The following WWOX variants were observed in gnomAD, a reference collection of about 807,000 sequenced individuals.
WWOX encodes WW domain-containing oxidoreductase.
WWOX carries 69 observed loss-of-function variants against 46.2 expected under a neutral mutation model. The ratio of observed to expected loss-of-function variants is 1.49; its 90% confidence interval spans 1.23 to 1.82. The LOEUF is 1.82. WWOX is among the 40% of genes most tolerant of loss of function. The probability of loss-of-function intolerance (pLI) is 0.00; values close to 1 mark genes in which losing one functional copy is unlikely to be tolerated. For synonymous variants in WWOX, 359 were observed against 202.6 expected, an observed-to-expected ratio of 1.77 and a Z score of -6.56; for missense variants, 919 against 542.6, an observed-to-expected ratio of 1.69 and a Z score of -6.89.
intron 8 of WWOX, among the ~76,000 whole-genome samples, chr16:79,184,830 G>A (rs1030059194): frequency 1.3e-5 from 2 of 152,154 alleles, no homozygotes; most frequent in African/African-American, 4.8e-5. Context: ...CATGCTCTTG[G>A]CAGTGAGACA....
chr16:78,408,349 C>A (rs535440252), intron 6 of WWOX, among the ~76,000 whole-genome samples: 6 of 152,164 alleles, frequency 3.9e-5, no homozygotes, highest in South Asian at 2.1e-4. Context: ...ACCCTCCATT[C>A]TGAGTTAATA....
chr16:78,426,957 C>A (rs574450982), intron 7 of WWOX, among the ~76,000 whole-genome samples: 1 of 152,278 alleles, frequency 6.6e-6, no homozygotes, highest in East Asian at 1.9e-4. Context: ...CCACCACGCC[C>A]GGCCTCTTTG....
intron 5 of WWOX, among the ~76,000 whole-genome samples, chr16:78,334,792 C>G (rs980030716): frequency 3.1e-5 from 4 of 131,048 alleles, no homozygotes; most frequent in Non-Finnish European, 3.2e-5. Flanking sequence ...AGTCTCCCCT[C>G]CACACACACA....
intron 8 of WWOX, among the ~76,000 whole-genome samples, chr16:78,877,317 T>C (rs1346379693): frequency 1.3e-5 from 2 of 150,250 alleles, no homozygotes; most frequent in Non-Finnish European, 3.0e-5. Context: ...CTGTGAGCTT[T>C]TTCCACCTAC....
chr16:79,185,924 A>T (rs1056637059), intron 8 of WWOX, among the ~76,000 whole-genome samples: 3 of 152,040 alleles, frequency 2.0e-5, no homozygotes, highest in Admixed American at 6.6e-5. Flanking sequence ...TAAGGCATAC[A>T]TTTAGAACAG....
At chr16:78,337,872 G>C (rs9922004) in intron 5 of WWOX, among the ~76,000 whole-genome samples, 27,008 of 118,426 alleles carry the variant, frequency 0.23, 8,614 homozygotes, top group African/African-American at 0.38. Context: ...CTCAGTGGTA[G>C]AGCTGATGTA....
chr16:78,270,235 G>C (rs558656410), intron 5 of WWOX: 19 of 152,230 alleles, frequency 1.2e-4, no homozygotes, highest in African/African-American at 4.3e-4. Flanking sequence ...CGGGTCTCTT[G>C]TGTTTTCACA....
At chr16:78,864,490 C>T (rs889719796) in intron 8 of WWOX, among the ~76,000 whole-genome samples, 3 of 152,132 alleles carry the variant, frequency 2.0e-5, no homozygotes, top group South Asian at 4.1e-4. Context: ...GCTGATCTTA[C>T]ACTCCTGGGA....
chr16:78,307,591 A>AT (rs990445066), intron 5 of WWOX, among the ~76,000 whole-genome samples: 37 of 152,282 alleles, frequency 2.4e-4, no homozygotes, highest in South Asian at 4.1e-4. Flanking sequence ...TGACACCTTG[A>AT]TTTTTTTAAC....
intron 8 of WWOX, among the ~76,000 whole-genome samples, chr16:78,495,180 G>A (rs1386814800): frequency 9.3e-6 from 1 of 107,444 alleles, no homozygotes; most frequent in African/African-American, 3.2e-5. Context: ...CTTGCCTGTC[G>A]CCCAGGTTGC....
intron 8 of WWOX, among the ~76,000 whole-genome samples, chr16:78,438,827 C>T (rs1052256604): frequency 1.3e-5 from 2 of 152,048 alleles, no homozygotes; most frequent in Admixed American, 6.6e-5. Context: ...ATGGATGGGC[C>T]GGCAATGCTG....
rs1397893501 is a variant in WWOX, at chr16:78,340,217, G to A, written c.517-46643G>A. ...GATGATAGTCTTTTTTTTTTTTTGA[G>A]ATGGAGTCTTACTGTGTCACCTAGG... On this transcript the variant is annotated intron_variant, in intron 5 of 8. Coordinates refer to ENST00000566780, the MANE Select transcript of WWOX (RefSeq NM_016373.4). 2.0e-5 allele frequency among the ~76,000 whole-genome samples: 2 copies of A among 100,140 alleles called. 1 individual carries two copies. Among genetic ancestry groups the A allele is most frequent in the Non-Finnish European group, 4.6e-5 (2 of 43,238 alleles). 65.7% of individuals were successfully genotyped at this position (100,140 alleles called of 152,430 possible). A position where few individuals can be genotyped will look rare whatever the true frequency, so the allele number is the denominator to read the frequency against.
chr16:79,194,869 G>C (rs1166477654), intron 8 of WWOX, among the ~76,000 whole-genome samples: 1 of 152,072 alleles, frequency 6.6e-6, no homozygotes, highest in Non-Finnish European at 1.5e-5. Flanking sequence ...GATGCTCCCA[G>C]AGTCTATGCT....
At chr16:78,788,205 T>G (rs1342806053) in intron 8 of WWOX, among the ~76,000 whole-genome samples, 1 of 152,230 alleles carries the variant, frequency 6.6e-6, no homozygotes, top group African/African-American at 2.4e-5. Context: ...GTGTTGTATC[T>G]AAGAATCCAT....
chr16:78,723,202 A>G (rs2142358766), intron 8 of WWOX, among the ~76,000 whole-genome samples: 1 of 152,338 alleles, frequency 6.6e-6, no homozygotes, highest in African/African-American at 2.4e-5. Context: ...CTTTCTTAGC[A>G]GCTACAGAAT....
chr16:78,838,078 C>T (rs772349177), intron 8 of WWOX, among the ~76,000 whole-genome samples: 19 of 152,136 alleles, frequency 1.2e-4, no homozygotes, highest in Admixed American at 7.9e-4. Context: ...TGTGTGCCTT[C>T]TGCTTTGTCT....
At chr16:79,157,212 G>A (rs765495278) in intron 8 of WWOX, among the ~76,000 whole-genome samples, 2 of 152,178 alleles carry the variant, frequency 1.3e-5, no homozygotes, top group South Asian at 2.1e-4. Context: ...GGCTGGATGA[G>A]CCAAAAAGAC....
At chr16:78,356,071 T>TAAAAAAAAAAAAAAAAAAA (rs61113878) in intron 5 of WWOX, among the ~76,000 whole-genome samples, 20 of 76,136 alleles carry the variant, frequency 2.6e-4, no homozygotes, top group African/African-American at 6.5e-4. Context: ...TTTTTTTTCC[T>TAAAAAAAAAAAAAAAAAAA]AAAAAAAAAA....
intron 4 of WWOX, among the ~76,000 whole-genome samples, chr16:78,127,659 T>A (rs1223302591): frequency 1.3e-5 from 2 of 152,200 alleles, no homozygotes; most frequent in East Asian, 3.9e-4. Flanking sequence ...ACATCTTTTT[T>A]ACTGAGAGTT....
Sources: gnomAD v4.1 joint callset for allele counts (sites outside exome capture counted in the v4.1 genomes callset) on GRCh38, gnomAD v4.1.1 for gene constraint, MANE v1.5 for transcripts, NCBI Gene and HGNC (gene_info 2026-07-23, HGNC 2026-07-21) for gene names.